GEN1: variants seen among roughly 807,000 people sequenced by gnomAD.
GEN1 encodes the protein GEN1 structure-specific endonuclease, also known as flap endonuclease GEN homolog 1.
In GEN1, 64 loss-of-function variants were observed where a neutral mutation model predicts 67.6. The ratio of observed to expected loss-of-function variants is 0.95; its 90% CI spans 0.77 to 1.17. GEN1 has a LOEUF of 1.17. Ranked by LOEUF, GEN1 falls within the 50% of genes most tolerant of loss-of-function variation. The pLI, the probability that GEN1 is intolerant of heterozygous loss-of-function variation, is 0.00. For synonymous variants in GEN1, 371 were observed against 359.4 expected (o/e 1.03, Z -0.37); for missense variants, 1,058 against 1,048.3 (o/e 1.01, Z -0.13).
chr2:17,772,804 C>A lies in GEN1; in HGVS notation c.953+20C>A. On this transcript the variant is annotated intron_variant, in intron 8 of 13. Transcript: ENST00000381254. ...TAAGAAGTAAGTTTTTTTAAAAACTCATGATTTTTCCTGGCATGACCTATA... is the reference window on the plus strand; with the variant it reads ...TAAGAAGTAAGTTTTTTTAAAAACTAATGATTTTTCCTGGCATGACCTATA... 6.3e-7 allele frequency: 1 copy of A among 1,582,462 alleles called. No individual in the cohort carries two copies. Among genetic ancestry groups the A allele is most frequent in the South Asian group, 1.1e-5 (1 of 88,356 alleles).
At chr2:17,763,187 C>T (rs1236095083) in intron 3 of GEN1, among the ~76,000 whole-genome samples, 1 of 152,068 alleles carries the variant, frequency 6.6e-6, no homozygotes, top group African/African-American at 2.4e-5. Flanking sequence ...TTTTTCTCCT[C>T]TTCTGAAATT....
chr2:17,773,098 A>G lies in GEN1; in HGVS notation c.956A>G (p.Lys319Arg). The change falls in exon 9 of 14, where the codon AAA (lysine) becomes AGA (arginine). Residue 319 changes from lysine (K) to arginine (R), a missense_variant and splice_region_variant. Lys to Arg is a conservative substitution (Grantham distance 26, BLOSUM62 2). Transcript: ENST00000381254. ...LSEVENNIKKKACCCEGFPFH... is the reference protein window; with the variant it reads ...LSEVENNIKKRACCCEGFPFH... Reference sequence around the variant, plus strand: ...CATGTATATAATTTTTTTTTCAGGAAAGCTTGCTGTTGTGAGGGATTCCCA... The same window carrying G: ...CATGTATATAATTTTTTTTTCAGGAGAGCTTGCTGTTGTGAGGGATTCCCA... 6.3e-7 allele frequency: 1 copy of G among 1,575,676 alleles called. No individual in the cohort carries two copies. Among genetic ancestry groups the G allele is most frequent in the Non-Finnish European group, 8.7e-7 (1 of 1,148,964 alleles).
intron 11 of GEN1, among the ~76,000 whole-genome samples, chr2:17,775,052 CA>C (rs1672363948): frequency 6.6e-6 from 1 of 152,024 alleles, no homozygotes. Context: ...TTTTTAAAAT[CA>C]ACAATTGCGT....
chr2:17,781,895 C>T lies in GEN1; in HGVS notation c.2683C>T (p.Leu895Phe). ...CTCTGGTACTTGTTTGGATAGCCCT[C>T]TTCCTTTACGCCAGAGATTAAAACT... ...NNSGTCLDSP[L>F]PLRQRLKLRF... The change falls in exon 14 of 14, where the codon CTT becomes TTT. Residue 895 changes from leucine to phenylalanine, a missense_variant. Coordinates refer to ENST00000381254, the MANE Select transcript of GEN1 (RefSeq NM_001130009.3). 1 of 1,578,594 alleles carries T rather than the reference C, an allele frequency of 6.3e-7. No homozygotes were observed. The highest frequency in any genetic ancestry group is 1.2e-5 in the South Asian group (1 of 84,410).
At chr2:17,759,766 C>T (rs1280207982) in intron 1 of GEN1, 163 bp from the exon 2 acceptor site, 22 of 526,218 alleles carry the variant, frequency 4.2e-5, no homozygotes, top group Non-Finnish European at 6.1e-5. Context: ...GCCATTTTAA[C>T]GTTTCAGGTG....
intron 7 of GEN1, among the ~76,000 whole-genome samples, chr2:17,771,552 A>C (rs1672190967): frequency 6.6e-6 from 1 of 152,134 alleles, no homozygotes; most frequent in African/African-American, 2.4e-5. Flanking sequence ...TAGATCTTAA[A>C]ACTATGTTTT....
upstream of GEN1, among the ~76,000 whole-genome samples, chr2:17,753,290 G>T (rs527944679): frequency 6.6e-6 from 1 of 151,660 alleles, no homozygotes; most frequent in East Asian, 1.9e-4. Flanking sequence ...ACCTCTCCCC[G>T]CTTTACAGTT....
At chr2:17,758,133 A>G (rs1048896224) in intron 1 of GEN1, among the ~76,000 whole-genome samples, 1 of 152,250 alleles carries the variant, frequency 6.6e-6, no homozygotes, top group Non-Finnish European at 1.5e-5. Context: ...AGCTCTTCTC[A>G]GTGTCTACTA....
intron 1 of GEN1, among the ~76,000 whole-genome samples, chr2:17,757,676 T>A (rs1048820471): frequency 2.6e-5 from 4 of 152,228 alleles, no homozygotes; most frequent in Non-Finnish European, 5.9e-5. Context: ...TTCTCTTCCC[T>A]CAAAAAGCTA....
At position 17,781,104 on chromosome 2, in the gene GEN1, A is replaced by G. The variant is rs767885752; in HGVS notation, c.1892A>G (p.Gln631Arg). 6.2e-7 allele frequency: 1 copy of G among 1,613,712 alleles called. No individual in the cohort carries two copies. Among genetic ancestry groups the G allele is most frequent in the Non-Finnish European group, 8.5e-7 (1 of 1,179,662 alleles). Reference sequence around the variant, plus strand: ...GATGGCTTTGAAAATATCCCAGAACAACTGTCCTGTGAATCAGAAAGGTAC... The same window carrying G: ...GATGGCTTTGAAAATATCCCAGAACGACTGTCCTGTGAATCAGAAAGGTAC... ...IPDGFENIPE[Q>R]LSCESERYTA... Residue 631 changes from glutamine (Q) to arginine (R), a missense_variant, in exon 14 of 14, where the codon CAA (glutamine) becomes CGA (arginine). Transcript: ENST00000381254.
intron 4 of GEN1, among the ~76,000 whole-genome samples, chr2:17,765,854 T>C (rs957708737): frequency 2.0e-4 from 31 of 152,258 alleles, no homozygotes; most frequent in Middle Eastern, 3.4e-3. Flanking sequence ...TATTCATATA[T>C]ATGTATCAAA....
In GEN1 at chr2:17,766,686, A is replaced by G; in HGVS notation, c.633A>G (p.Pro211=). 2.0e-6 allele frequency: 3 copies of G among 1,528,024 alleles called. No individual in the cohort carries two copies. Among genetic ancestry groups the G allele is most frequent in the Non-Finnish European group, 2.7e-6 (3 of 1,102,930 alleles). The allele number at this position is 1,528,024 out of a possible 1,614,324, so 94.7% of individuals were successfully genotyped here. A position where few individuals can be genotyped will look rare whatever the true frequency, so the allele number is the denominator to read the frequency against. ...TACTTCTTGGCTGTGATTATCTCCC[A>G]AAGGTAAGCTGAAATTGTCATATTT... ...LAILLGCDYL[P]KGVPGVGKEQ... Residue 211 remains proline, a synonymous_variant, in exon 5 of 14, where the codon CCA becomes CCG. Transcript: ENST00000381254.
At chr2:17,754,933 A>G (rs1202200024) in intron 1 of GEN1, 1 of 152,124 alleles carries the variant, frequency 6.6e-6, no homozygotes, top group Non-Finnish European at 1.5e-5. Flanking sequence ...AACCCTTCCC[A>G]TGAATATGCT....
intron 2 of GEN1, 64 bp downstream of exon 2, chr2:17,760,168 GT>G: frequency 7.0e-7 from 1 of 1,422,548 alleles, no homozygotes; most frequent in African/African-American, 1.5e-5. Flanking sequence ...TCTTGATTTT[GT>G]TTCACCTTTT....
At chr2:17,776,449 C>T (rs1021251118) in intron 11 of GEN1, among the ~76,000 whole-genome samples, 2 of 152,040 alleles carry the variant, frequency 1.3e-5, no homozygotes, top group African/African-American at 4.8e-5. Flanking sequence ...CATAGACAGG[C>T]TGCAGTATTT....
rs1346642629 is a variant in GEN1, at chr2:17,788,370, A to G, written c.*6431A>G. 2.6e-5 allele frequency: 4 copies of G among 152,182 alleles called. No individual in the cohort carries two copies. Among genetic ancestry groups the G allele is most frequent in the Non-Finnish European group, 4.4e-5 (3 of 68,028 alleles). 9.4% of individuals were successfully genotyped at this position (152,182 alleles called of 1,614,324 possible). On this transcript the variant is annotated 3_prime_UTR_variant, in exon 14 of 14. Transcript: ENST00000381254. Reference sequence around the variant, plus strand: ...GTCCAAAACAGTGGGACTCTTTTTGATGATTTCAAAATGGATAGTTTAGTT... The same window carrying G: ...GTCCAAAACAGTGGGACTCTTTTTGGTGATTTCAAAATGGATAGTTTAGTT...
intron 1 of GEN1, 90 bp from the exon 2 acceptor site, chr2:17,759,839 C>A: frequency 8.9e-7 from 1 of 1,125,340 alleles, no homozygotes; most frequent in Non-Finnish European, 1.3e-6. Context: ...TATGAATTAT[C>A]CTGAACTGGC....
chr2:17,764,570 C>G (rs1233483193), intron 3 of GEN1, among the ~76,000 whole-genome samples: 1 of 152,140 alleles, frequency 6.6e-6, no homozygotes, highest in African/African-American at 2.4e-5. Context: ...ATTCCCCTAT[C>G]CACACATCAT....
chr2:17,754,670 C>T (rs890861921), intron 1 of GEN1: 1 of 152,302 alleles, frequency 6.6e-6, no homozygotes, highest in Non-Finnish European at 1.5e-5. Context: ...TCAAAGCCAT[C>T]CCGGGAGAGC....
Sources: gnomAD v4.1 joint callset for allele counts (sites outside exome capture counted in the v4.1 genomes callset) on GRCh38, gnomAD v4.1.1 for gene constraint, MANE v1.5 for transcripts, NCBI Gene and HGNC (gene_info 2026-07-23, HGNC 2026-07-21) for gene names.